Variants in FXN observed in about 807,000 individuals in gnomAD.
The protein encoded by FXN is frataxin, also known as frataxin, mitochondrial.
Under a neutral mutation model 22.4 loss-of-function variants are expected in FXN, and 14 were observed. The observed-to-expected ratio is 0.62, with a 90% CI of 0.41 to 0.98. The LOEUF (loss-of-function observed/expected upper bound fraction) is 0.98, where lower values mean the gene tolerates loss of function less well. Ranked by LOEUF, FXN falls within the 50% of genes least tolerant of loss-of-function variation. The pLI, the probability that FXN is intolerant of heterozygous loss-of-function variation, is 0.00. For synonymous variants in FXN, 120 were observed against 114.1 expected (o/e 1.05, Z -0.33); for missense variants, 267 against 268.4 (o/e 0.99, Z 0.04).
chr9:69,048,140 C>A (rs1260077659), intron 2 of FXN, among the ~76,000 whole-genome samples: 1 of 152,206 alleles, frequency 6.6e-6, no homozygotes, highest in Non-Finnish European at 1.5e-5. Context: ...GAGTCTCAGG[C>A]TGCCTTATCT....
At chr9:69,059,909 G>A (rs541155939) in intron 3 of FXN, among the ~76,000 whole-genome samples, 11 of 152,092 alleles carry the variant, frequency 7.2e-5, no homozygotes, top group Non-Finnish European at 1.6e-4. Flanking sequence ...GTGCATCCTA[G>A]CAAGTTGGTA....
intron 4 of FXN, among the ~76,000 whole-genome samples, chr9:69,070,635 TG>T (rs1832256447): frequency 6.6e-6 from 1 of 152,240 alleles, no homozygotes; most frequent in South Asian, 2.1e-4. Context: ...TATTGGTTGA[TG>T]CTGCAGTTGC....
At chr9:69,069,679 G>A (rs1832238021) in intron 4 of FXN, among the ~76,000 whole-genome samples, 1 of 152,204 alleles carries the variant, frequency 6.6e-6, no homozygotes, top group Admixed American at 6.5e-5. Context: ...CCTCTGTAGG[G>A]TGCAAGGGCA....
intron 1 of FXN, among the ~76,000 whole-genome samples, chr9:69,037,024 G>A (rs1023452989): frequency 2.6e-5 from 4 of 152,266 alleles, no homozygotes; most frequent in African/African-American, 9.6e-5. Flanking sequence ...TTGCTCTCCG[G>A]AGTTTGTACT....
intron 4 of FXN, among the ~76,000 whole-genome samples, chr9:69,071,999 A>G (rs1188862867): frequency 6.6e-6 from 1 of 152,246 alleles, no homozygotes; most frequent in East Asian, 1.9e-4. Context: ...AGATGCATGT[A>G]TCGTACCATT....
intron 2 of FXN, among the ~76,000 whole-genome samples, chr9:69,047,134 C>T (rs937859724): frequency 3.3e-5 from 5 of 152,170 alleles, no homozygotes; most frequent in Non-Finnish European, 5.9e-5. Context: ...CTGTCAGGCA[C>T]GGCTACAGTC....
chr9:69,040,484 C>T (rs1193538943), intron 1 of FXN, among the ~76,000 whole-genome samples: 2 of 151,930 alleles, frequency 1.3e-5, no homozygotes, highest in African/African-American at 4.8e-5. Context: ...CTGGCTAATA[C>T]GATGAAACCC....
intron 4 of FXN, among the ~76,000 whole-genome samples, chr9:69,066,166 CCAGTCATT>C (rs1427373873): frequency 6.6e-6 from 1 of 152,140 alleles, no homozygotes; most frequent in Non-Finnish European, 1.5e-5. Context: ...GTTCTCAGAT[CCAGTCATT>C]CATTAGCACT....
chr9:69,049,153 G>T (rs752551764), intron 2 of FXN, among the ~76,000 whole-genome samples: 1 of 152,158 alleles, frequency 6.6e-6, no homozygotes, highest in Non-Finnish European at 1.5e-5. Context: ...GCCCGCTTCT[G>T]CCAGGGCCCA....
At chr9:69,057,309 C>T (rs11999158) in intron 3 of FXN, among the ~76,000 whole-genome samples, 4,065 of 152,230 alleles carry the variant, frequency 0.027, 184 homozygotes, top group African/African-American at 0.092. Flanking sequence ...TTGAACCAGG[C>T]GACAAAACCT....
chr9:69,052,820 G>T (rs1205693861), intron 2 of FXN, among the ~76,000 whole-genome samples: 2 of 151,988 alleles, frequency 1.3e-5, no homozygotes, highest in South Asian at 4.1e-4. Flanking sequence ...GGGATTACAG[G>T]CATGAGCTAC....
rs146365905 is a variant in FXN at position 69,058,835 on chromosome 9, G to A, written c.384+5575G>A. 1.4e-4 allele frequency among the ~76,000 whole-genome samples: 22 copies of A among 152,210 alleles called. 1 individual carries two copies. The highest frequency in any genetic ancestry group is 4.6e-4 in the Admixed American group (7 of 15,286). ...TGTAATCCCAGCACTTTGGGAGGCC[G>A]AGGCGGGCAGATCATGAGGTCAGGA... On this transcript the variant is annotated intron_variant, in intron 3 of 4. Transcript: ENST00000484259.
At chr9:69,057,443 C>T (rs1344960268) in intron 3 of FXN, among the ~76,000 whole-genome samples, 1 of 152,098 alleles carries the variant, frequency 6.6e-6, no homozygotes, top group Non-Finnish European at 1.5e-5. Flanking sequence ...GGAAGAGATG[C>T]CTATATTTTT....
In FXN at chr9:69,059,247, G is replaced by A. The variant is rs534824699; in HGVS notation, c.385-5691G>A. 3.3e-5 allele frequency among the ~76,000 whole-genome samples: 5 copies of A among 152,048 alleles called. No homozygotes were observed. The East Asian group carries it at 5.8e-4, about 18-fold the overall frequency. ...TATGTACAGAGAAGCCCTTAGATCC[G>A]AACTCAAAATAGGTAAGGAGGCAGT... is the stretch of plus-strand genomic sequence containing the variant. On this transcript the variant is annotated intron_variant, in intron 3 of 4. Coordinates refer to ENST00000484259, the MANE Select transcript of FXN (RefSeq NM_000144.5).
intron 3 of FXN, 34 bp downstream of exon 3, chr9:69,053,294 C>A (rs774161001): frequency 2.5e-6 from 4 of 1,608,900 alleles, no homozygotes; most frequent in East Asian, 2.2e-5. Flanking sequence ...TTCTGTTTCC[C>A]CCTCTAAGAA....
chr9:69,044,760 A>C (rs1831717318), intron 1 of FXN, among the ~76,000 whole-genome samples: 1 of 151,754 alleles, frequency 6.6e-6, no homozygotes, highest in Admixed American at 6.6e-5. Flanking sequence ...TATTTCCTTC[A>C]TCTCCCCAGC....
At chr9:69,060,245 C>A (rs1270519896) in intron 3 of FXN, among the ~76,000 whole-genome samples, 1 of 152,124 alleles carries the variant, frequency 6.6e-6, no homozygotes. Flanking sequence ...GTGGTGGGCG[C>A]CTGTAGTCCC....
chr9:69,036,108 C>T (rs757692572), intron 1 of FXN, 161 bp downstream of exon 1: 8 of 462,722 alleles, frequency 1.7e-5, no homozygotes, highest in Non-Finnish European at 2.6e-5. Flanking sequence ...AGCGGCCTTG[C>T]AACTCCCTTC....
In FXN at chr9:69,073,477, G is replaced by A. The variant is rs550946139; in HGVS notation, c.*715G>A. On this transcript the variant is annotated 3_prime_UTR_variant, in exon 5 of 5. Coordinates refer to ENST00000484259, the MANE Select transcript of FXN (RefSeq NM_000144.5). ...ACAAGAATGCAAAAAATCTTCCAAA[G>A]ACAAGAAAAGAGGAAAAAAAGCCGT... is the stretch of plus-strand genomic sequence containing the variant. 8.5e-5 allele frequency: 84 copies of A among 985,310 alleles called. No homozygotes were observed. In the African/African-American group the frequency reaches 1.2e-3, roughly 14 times the overall value. The allele number at this position is 985,310 out of a possible 1,614,324, so 61.0% of individuals were successfully genotyped here.
Sources: allele counts gnomAD v4.1 joint callset (sites outside exome capture counted in the v4.1 genomes callset), GRCh38; gene constraint gnomAD v4.1.1; transcripts MANE v1.5; gene names NCBI Gene and HGNC (gene_info 2026-07-23, HGNC 2026-07-21).